MYO16: variants seen among roughly 807,000 people sequenced by gnomAD.
MYO16 encodes myosin XVI.
MYO16 carries 94 observed loss-of-function variants against 205.3 expected under a neutral mutation model. The ratio of observed to expected loss-of-function variants is 0.46; its 90% CI spans 0.39 to 0.54. The LOEUF is 0.54. Ranked by LOEUF, MYO16 falls within the 20% of genes least tolerant of loss-of-function variation. MYO16 has a pLI of 0.00. For synonymous variants in MYO16, 988 were observed against 954.0 expected, an observed-to-expected ratio of 1.04 and a Z score of -0.66; for missense variants, 2,315 against 2,387.5, an observed-to-expected ratio of 0.97 and a Z score of 0.63.
At chr13:108,774,919 T>A (rs1886078759) in intron 4 of MYO16, among the ~76,000 whole-genome samples, 2 of 152,190 alleles carry the variant, frequency 1.3e-5, no homozygotes, top group South Asian at 4.1e-4. Flanking sequence ...CCATATGTTC[T>A]TATAAAGTAC....
chr13:108,941,830 G>C (rs934206749), intron 16 of MYO16, among the ~76,000 whole-genome samples: 2 of 152,064 alleles, frequency 1.3e-5, no homozygotes. Context: ...CGTGTTTGTT[G>C]TTGGTGTGAA....
At position 108,610,068 on chromosome 13, in the gene MYO16, CTGAG is replaced by C. The variant is rs376637734; in HGVS notation, c.-39+13832_-39+13835del. On this transcript the variant is annotated intron_variant, in intron 1 of 24. Coordinates refer to the MYO16 transcript ENST00000251041. ...AGTTCATGTGAAGCTCTGGGACTGA[CTGAG>C]TGTTACACCTGAAACGGGTATCCAG... Among the ~76,000 whole-genome samples the C allele has an allele frequency of 3.3e-4, 50 of 152,280 alleles. 1 individual carries two copies. The South Asian group carries it at 9.1e-3, about 28-fold the overall frequency.
At chr13:108,612,661 C>T (rs1484060162) in intron 1 of MYO16, among the ~76,000 whole-genome samples, 1 of 149,486 alleles carries the variant, frequency 6.7e-6, no homozygotes, top group Non-Finnish European at 1.5e-5. Context: ...CTGCACTACA[C>T]AAAGGGAGGC....
chr13:108,882,382 G>T (rs1879658892), intron 12 of MYO16, among the ~76,000 whole-genome samples: 1 of 152,304 alleles, frequency 6.6e-6, no homozygotes, highest in South Asian at 2.1e-4. Flanking sequence ...CAGTTCTGCA[G>T]TCTTCTTTTG....
At position 108,763,793 on chromosome 13, in the gene MYO16, G is replaced by A. The variant is rs1885691310; in HGVS notation, c.508-21842G>A. Among the ~76,000 whole-genome samples, 4 of 141,982 alleles carry A rather than the reference G, an allele frequency of 2.8e-5. No individual in the cohort carries two copies. The South Asian group carries it at 8.5e-4, about 30-fold the overall frequency. The allele number at this position is 141,982 out of a possible 152,430, so 93.1% of individuals were successfully genotyped here. A position where few individuals can be genotyped will look rare whatever the true frequency, so the allele number is the denominator to read the frequency against. On this transcript the variant is annotated intron_variant, in intron 4 of 34. Transcript: ENST00000457511. ...AGGGGAGAGAGAAAAGGAGTTGTGT[G>A]TGTGTGTGTGTGTGTGTGTGTGTGT...
rs776155436 is a variant in MYO16 at position 108,992,456 on chromosome 13, GTCTT to G, written c.2442+14_2442+17del. On this transcript the variant is annotated intron_variant, in intron 21 of 34. Transcript: ENST00000457511. ...AAGAATGAATTTGAACAAGTAAGTA[GTCTT>G]TCTTTTAAAATTGTGTGAACTTGAA... The G allele has an allele frequency of 2.0e-6, 3 of 1,530,862 alleles. No homozygotes were observed. Among genetic ancestry groups the G allele is most frequent in the Non-Finnish European group, 2.7e-6 (3 of 1,108,944 alleles). 94.8% of individuals were successfully genotyped at this position (1,530,862 alleles called of 1,614,324 possible). A position where few individuals can be genotyped will look rare whatever the true frequency, so the allele number is the denominator to read the frequency against.
chr13:108,742,803 T>G lies in MYO16; in HGVS notation c.507+15220T>G, dbSNP rs895090898. Among the ~76,000 whole-genome samples, 5 of 152,226 alleles carry G rather than the reference T, an allele frequency of 3.3e-5. No individual in the cohort carries two copies. The East Asian group carries it at 9.6e-4, about 29-fold the overall frequency. On this transcript the variant is annotated intron_variant, in intron 4 of 34. Transcript: ENST00000457511. ...AGCTATGCCCTGAGTTAAATGCTTGTAAAATATCCTCAGAATCTGCTCAGT... is the reference window on the plus strand; with the variant it reads ...AGCTATGCCCTGAGTTAAATGCTTGGAAAATATCCTCAGAATCTGCTCAGT...
intron 32 of MYO16, among the ~76,000 whole-genome samples, chr13:109,142,785 C>T (rs1328092459): frequency 6.6e-6 from 1 of 152,126 alleles, no homozygotes; most frequent in Non-Finnish European, 1.5e-5. Flanking sequence ...CAATGGGAAA[C>T]CTCTAGGGGG....
Position 109,164,990 on chromosome 13 carries a change from C to T in MYO16, c.5254C>T (p.His1752Tyr). The T allele has an allele frequency of 6.2e-7, 1 of 1,603,856 alleles. No individual in the cohort carries two copies. Among genetic ancestry groups the T allele is most frequent in the Middle Eastern group, 1.7e-4 (1 of 6,046 alleles). The change falls in exon 33 of 35, where the codon CAT (histidine) becomes TAT (tyrosine). Residue 1752 changes from histidine (H) to tyrosine (Y), a missense_variant. Around this residue, in one of 3 missense-constraint regions of MYO16, gnomAD observed 1,097 missense variants for 1,092.0 expected, o/e 1.00. Transcript: ENST00000457511. ...GACTCAAGACAGAAATGCAAATAAC[C>T]ATGGAATTCAGTTATCTAATTCACT... Reference protein sequence around the residue: ...SETQDRNANNHGIQLSNSLSS... With the variant: ...SETQDRNANNYGIQLSNSLSS...
the MYO16 span, among the ~76,000 whole-genome samples, chr13:108,504,889 G>A: frequency 0.13 from 19,278 of 152,106 alleles, 1,378 homozygotes; most frequent in East Asian, 0.22. Context: ...GGTACTTCAT[G>A]TAAGTGGAAT....
intron 27 of MYO16, among the ~76,000 whole-genome samples, chr13:109,059,205 A>G (rs916280142): frequency 6.6e-6 from 1 of 152,208 alleles, no homozygotes; most frequent in African/African-American, 2.4e-5. Context: ...AATCACAAAT[A>G]TTCTTAGGAG....
intron 1 of MYO16, among the ~76,000 whole-genome samples, chr13:108,637,844 G>A (rs1392533725): frequency 2.0e-5 from 3 of 151,928 alleles, no homozygotes; most frequent in South Asian, 2.1e-4. Flanking sequence ...CATTGCACTC[G>A]AGCCTGGGCA....
the MYO16 span, among the ~76,000 whole-genome samples, chr13:108,559,231 A>T: frequency 6.6e-6 from 1 of 152,000 alleles, no homozygotes; most frequent in Admixed American, 6.5e-5. Flanking sequence ...GTGAAGACAC[A>T]TAGGGAGCAC....
intron 2 of MYO16, among the ~76,000 whole-genome samples, chr13:108,704,949 A>C (rs7489922): frequency 0.71 from 106,152 of 149,998 alleles, 37,659 homozygotes; most frequent in East Asian, 0.85. Context: ...AAAAAAAAAA[A>C]CAAAAAAAAA....
chr13:108,970,599 G>C (rs1025188291), intron 20 of MYO16, among the ~76,000 whole-genome samples: 4 of 152,196 alleles, frequency 2.6e-5, no homozygotes, highest in Non-Finnish European at 5.9e-5. Context: ...ACAGGAACAA[G>C]GAGGTGAGGG....
At position 109,055,549 on chromosome 13, in the gene MYO16, C is replaced by T; in HGVS notation, c.3289C>T (p.Arg1097Ter). 2 of 1,612,802 alleles carry T rather than the reference C, an allele frequency of 1.2e-6. No individual in the cohort carries two copies. Among genetic ancestry groups the T allele is most frequent in the Non-Finnish European group, 1.7e-6 (2 of 1,179,386 alleles). The change falls in exon 27 of 35, where the codon CGA becomes TGA. Residue 1097 changes from arginine (R) to a stop codon, truncating the protein, a stop_gained. Transcript: ENST00000457511. LOFTEE classifies it high-confidence loss of function. The surrounding 1 kb of genome is among the most constrained non-coding windows in gnomAD (Gnocchi z 5.0). ...GGTCCTGGAGATGGTGAAGATCTTC[C>T]GATATGGATACCCTGTTCGCCTTTC... ...IGVLEMVKIF[R>*]YGYPVRLSFS...
Position 108,962,492 on chromosome 13 carries a change from A to G in MYO16, c.2224A>G (p.Lys742Glu). 2 of 1,574,166 alleles carry G rather than the reference A, an allele frequency of 1.3e-6. No homozygotes were observed. The highest frequency in any genetic ancestry group is 1.7e-6 in the Non-Finnish European group (2 of 1,163,370). Residue 742 changes from lysine (K) to glutamate (E), a missense_variant, in exon 19 of 35, where the codon AAA becomes GAA. Transcript: ENST00000457511. The part of the protein sequence containing the change: ...SALTTDIQYF[K>E]GDMIIRRHTI... ...CTTAACAACTGATATTCAATATTTT[A>G]AAGGTAATTTTTTTATGCTCTAACA...
At chr13:108,787,002 T>G (rs567698358) in intron 5 of MYO16, among the ~76,000 whole-genome samples, 4 of 152,366 alleles carry the variant, frequency 2.6e-5, no homozygotes, top group African/African-American at 9.6e-5. Flanking sequence ...GTTAATTATT[T>G]GGATCCTTGC....
At chr13:108,600,949 A>ATT (rs532870029) in intron 1 of MYO16, among the ~76,000 whole-genome samples, 1 of 151,606 alleles carries the variant, frequency 6.6e-6, no homozygotes, top group African/African-American at 2.4e-5. Context: ...CCTCATGAAG[A>ATT]TTTTTTTTTA....
Sources: allele counts gnomAD v4.1 joint callset (sites outside exome capture counted in the v4.1 genomes callset), GRCh38; gene constraint gnomAD v4.1.1; regional missense constraint gnomAD v4.1.1; non-coding constraint Gnocchi (gnomAD v3.1); transcripts MANE v1.5; gene names NCBI Gene and HGNC (gene_info 2026-07-23, HGNC 2026-07-21).